Variants in AP4E1 observed in about 807,000 individuals in gnomAD.
AP4E1 encodes AP-4 complex subunit epsilon-1.
In AP4E1, 56 loss-of-function variants were observed where a neutral mutation model predicts 128.2. The observed-to-expected ratio is 0.44, with a 90% CI of 0.35 to 0.55. AP4E1 has a LOEUF of 0.55. Ranked by LOEUF, AP4E1 falls within the 20% of genes least tolerant of loss-of-function variation. AP4E1 has a pLI of 0.00. For missense variants in AP4E1, 1,324 were observed against 1,307.7 expected, an observed-to-expected ratio of 1.01 and a Z score of -0.19; for synonymous variants, 484 against 473.1, an observed-to-expected ratio of 1.02 and a Z score of -0.30.
At chr15:50,949,801 T>C in intron 11 of AP4E1, 25 bp from the exon 12 acceptor site, 6 of 1,519,052 alleles carry the variant, frequency 3.9e-6, no homozygotes, top group Non-Finnish European at 5.5e-6. Flanking sequence ...TTTGGAAGTG[T>C]ACTTGTTCTT....
intron 3 of AP4E1, among the ~76,000 whole-genome samples, chr15:50,919,825 C>T (rs1187798810): frequency 6.6e-6 from 1 of 151,698 alleles, no homozygotes; most frequent in Non-Finnish European, 1.5e-5. Flanking sequence ...GTCTGTAATG[C>T]CAACACTGTG....
intron 15 of AP4E1, among the ~76,000 whole-genome samples, chr15:50,982,318 T>C (rs1280902865): frequency 1.3e-5 from 2 of 152,142 alleles, no homozygotes; most frequent in Non-Finnish European, 2.9e-5. Context: ...CGGACTATGA[T>C]TAAGTTAGAT....
chr15:50,927,580 C>T (rs760412229), intron 5 of AP4E1, among the ~76,000 whole-genome samples: 1 of 149,764 alleles, frequency 6.7e-6, no homozygotes, highest in Non-Finnish European at 1.5e-5. Context: ...TCAGTTAACA[C>T]GCAATGGCAA....
chr15:51,000,377 G>A (rs532463092), intron 19 of AP4E1, among the ~76,000 whole-genome samples: 2 of 152,240 alleles, frequency 1.3e-5, no homozygotes, highest in South Asian at 4.1e-4. Flanking sequence ...TTGGGCTCAA[G>A]CGATCTGTCT....
In AP4E1 at chr15:50,922,534, C is replaced by G. The variant is rs191573153; in HGVS notation, c.347-1397C>G. Among the ~76,000 whole-genome samples, 487 of 152,258 alleles carry G rather than the reference C, an allele frequency of 3.2e-3. 2 individuals carry two copies. Among genetic ancestry groups the G allele is most frequent in the Admixed American group, 5.5e-3 (84 of 15,294 alleles). ...GTTTTCTCCTGTTCCATGGTAGACA[C>G]AGACAGCATGGATGCTGGGTAATGA... On this transcript the variant is annotated intron_variant, in intron 3 of 20. Transcript: ENST00000261842.
In AP4E1 at chr15:50,958,898, A is replaced by G. The variant is rs907676815; in HGVS notation, c.1851+104A>G. 177 of 1,245,966 alleles carry G rather than the reference A, an allele frequency of 1.4e-4. 1 individual carries two copies. The highest frequency in any genetic ancestry group is 2.0e-4 in the Non-Finnish European group (170 of 852,698). The allele number at this position is 1,245,966 out of a possible 1,614,324, so 77.2% of individuals were successfully genotyped here. A position where few individuals can be genotyped will look rare whatever the true frequency, so the allele number is the denominator to read the frequency against. ...GAATATATCAAAATGTGGTTTCTGT[A>G]GCATTTAAGGTGAATGTTGGAGTTC... On this transcript the variant is annotated intron_variant, in intron 14 of 20. Transcript: ENST00000261842.
At chr15:50,994,593 T>A (rs1330784601) in intron 17 of AP4E1, among the ~76,000 whole-genome samples, 1 of 152,194 alleles carries the variant, frequency 6.6e-6, no homozygotes, top group Non-Finnish European at 1.5e-5. Flanking sequence ...TATCTTAATA[T>A]TTTCCGAGTT....
intron 15 of AP4E1, among the ~76,000 whole-genome samples, chr15:50,969,498 A>G (rs2064446824): frequency 4.2e-5 from 5 of 120,266 alleles, no homozygotes; most frequent in Admixed American, 3.9e-4. Context: ...TATTTTGAGC[A>G]GTCTTTATTT....
intron 15 of AP4E1, among the ~76,000 whole-genome samples, chr15:50,980,362 T>C (rs1378211558): frequency 6.6e-6 from 1 of 152,166 alleles, no homozygotes; most frequent in East Asian, 1.9e-4. Flanking sequence ...GTGGAAGAAA[T>C]TTCTGTGCAA....
At chr15:50,933,435 G>A (rs185723859) in intron 7 of AP4E1, among the ~76,000 whole-genome samples, 1 of 152,134 alleles carries the variant, frequency 6.6e-6, no homozygotes, top group African/African-American at 2.4e-5. Flanking sequence ...TTGTAGTTTT[G>A]TGCTTCTTAG....
At chr15:50,919,221 C>T (rs1230576179) in intron 3 of AP4E1, among the ~76,000 whole-genome samples, 2 of 141,174 alleles carry the variant, frequency 1.4e-5, no homozygotes, top group Non-Finnish European at 3.1e-5. Flanking sequence ...CAGAGTGAGA[C>T]CCTGTCTCAA....
chr15:50,924,247 C>A (rs549873118), intron 4 of AP4E1, among the ~76,000 whole-genome samples: 2 of 152,196 alleles, frequency 1.3e-5, no homozygotes, highest in Non-Finnish European at 2.9e-5. Flanking sequence ...GTTATAATTT[C>A]ATTTTAAAAC....
At chr15:50,993,768 T>C in intron 17 of AP4E1, 143 bp downstream of exon 17, 1 of 999,686 alleles carries the variant, frequency 1.0e-6, no homozygotes, top group South Asian at 1.5e-5. Context: ...ATTTCCCAGC[T>C]CCAGAACCAC....
chr15:50,939,634 G>C (rs569023076), intron 8 of AP4E1, among the ~76,000 whole-genome samples: 2 of 152,198 alleles, frequency 1.3e-5, no homozygotes, highest in Middle Eastern at 6.8e-3. Flanking sequence ...AAAAATAAGT[G>C]CTGTTTTTGA....
intron 3 of AP4E1, among the ~76,000 whole-genome samples, chr15:50,920,360 G>A (rs1391374509): frequency 3.3e-5 from 5 of 150,974 alleles, no homozygotes; most frequent in South Asian, 2.1e-4. Context: ...TGATCCGCCC[G>A]CCTCAGCCTC....
At chr15:50,936,369 T>TC (rs1290527680) in intron 8 of AP4E1, among the ~76,000 whole-genome samples, 5 of 152,156 alleles carry the variant, frequency 3.3e-5, no homozygotes, top group African/African-American at 1.2e-4. Context: ...CTTTTTTTTT[T>TC]TCCCTTGCAG....
chr15:50,925,774 T>C (rs182047903), intron 5 of AP4E1, among the ~76,000 whole-genome samples: 2 of 150,226 alleles, frequency 1.3e-5, no homozygotes, highest in Admixed American at 6.7e-5. Context: ...GGATTACAGG[T>C]GCCTGCCACC....
intron 14 of AP4E1, among the ~76,000 whole-genome samples, chr15:50,964,291 G>C (rs2064358552): frequency 6.6e-6 from 1 of 152,008 alleles, no homozygotes; most frequent in South Asian, 2.1e-4. Flanking sequence ...TTCATTCATT[G>C]AATTCTTCAG....
chr15:50,999,346 T>C, intron 19 of AP4E1, 84 bp downstream of exon 19: 1 of 1,217,074 alleles, frequency 8.2e-7, no homozygotes, highest in Non-Finnish European at 1.2e-6. Flanking sequence ...GGCACTATGT[T>C]GGGTGCTAGG....
Sources: gnomAD v4.1 joint callset for allele counts (sites outside exome capture counted in the v4.1 genomes callset) on GRCh38, gnomAD v4.1.1 for gene constraint, MANE v1.5 for transcripts, NCBI Gene and HGNC (gene_info 2026-07-23, HGNC 2026-07-21) for gene names.